PTPRK: variants seen among roughly 807,000 people sequenced by gnomAD.
The protein encoded by PTPRK is receptor-type tyrosine-protein phosphatase kappa.
In PTPRK, 75 loss-of-function variants were observed where a neutral mutation model predicts 178.0. The observed-to-expected ratio is 0.42, with a 90% CI of 0.35 to 0.51. The LOEUF (loss-of-function observed/expected upper bound fraction) is 0.51. PTPRK is among the 20% of genes least tolerant of loss of function. The pLI, the probability that PTPRK is intolerant of heterozygous loss-of-function variation, is 0.02. For synonymous variants in PTPRK, 637 were observed against 620.6 expected, an observed-to-expected ratio of 1.03 and a Z score of -0.39; for missense variants, 1,441 against 1,797.8, an observed-to-expected ratio of 0.80 and a Z score of 3.59.
At chr6:128,414,374 T>C (rs1842617185) in intron 1 of PTPRK, among the ~76,000 whole-genome samples, 1 of 152,164 alleles carries the variant, frequency 6.6e-6, no homozygotes, top group African/African-American at 2.4e-5. Context: ...GTGCGGCAGT[T>C]CTTTCCCTGT....
At chr6:128,298,798 GA>G (rs886957336) in intron 3 of PTPRK, among the ~76,000 whole-genome samples, 4 of 152,088 alleles carry the variant, frequency 2.6e-5, no homozygotes, top group African/African-American at 9.7e-5. Context: ...CATTTCCTTT[GA>G]AAACTGGCAC....
At chr6:128,179,202 T>A (rs2114677475) in intron 7 of PTPRK, among the ~76,000 whole-genome samples, 1 of 152,144 alleles carries the variant, frequency 6.6e-6, no homozygotes, top group South Asian at 2.1e-4. Context: ...CCCTAGTGAC[T>A]TCTAGGAGCT....
chr6:128,209,500 C>T (rs1318491993), intron 6 of PTPRK, among the ~76,000 whole-genome samples: 1 of 152,176 alleles, frequency 6.6e-6, no homozygotes, highest in Admixed American at 6.5e-5. Flanking sequence ...TCCCATCCTC[C>T]TCAGCACATC....
At chr6:128,336,482 T>C (rs980640557) in intron 2 of PTPRK, among the ~76,000 whole-genome samples, 11 of 152,250 alleles carry the variant, frequency 7.2e-5, no homozygotes, top group South Asian at 4.1e-4. Context: ...TGGGAGGTAA[T>C]TTTTCTCTTA....
chr6:128,517,367 T>G (rs1298548160), intron 1 of PTPRK, among the ~76,000 whole-genome samples: 1 of 152,194 alleles, frequency 6.6e-6, no homozygotes, highest in Admixed American at 6.5e-5. Context: ...TCTGGTTTCG[T>G]CAGTCATCTA....
At chr6:128,275,053 T>A (rs187157213) in intron 3 of PTPRK, among the ~76,000 whole-genome samples, 1 of 152,158 alleles carries the variant, frequency 6.6e-6, no homozygotes, top group East Asian at 1.9e-4. Context: ...AATGTTAGAA[T>A]GAACACTTAC....
chr6:128,131,171 T>C (rs1160223023), intron 7 of PTPRK, among the ~76,000 whole-genome samples: 1 of 152,190 alleles, frequency 6.6e-6, no homozygotes, highest in Non-Finnish European at 1.5e-5. Context: ...CTACAGATTG[T>C]GCAGGGACAG....
chr6:128,277,247 A>G (rs942976544), intron 3 of PTPRK, among the ~76,000 whole-genome samples: 37 of 152,228 alleles, frequency 2.4e-4, no homozygotes, highest in African/African-American at 8.4e-4. Flanking sequence ...TATTAAGTAT[A>G]AACCAAGGTA....
chr6:128,026,523 A>G (rs1221671514), intron 13 of PTPRK, among the ~76,000 whole-genome samples: 1 of 152,148 alleles, frequency 6.6e-6, no homozygotes, highest in African/African-American at 2.4e-5. Context: ...AAATAACTAA[A>G]TTCTGCTCTC....
chr6:128,076,488 A>C (rs1163651259), intron 11 of PTPRK, among the ~76,000 whole-genome samples: 1 of 152,020 alleles, frequency 6.6e-6, no homozygotes, highest in Non-Finnish European at 1.5e-5. Flanking sequence ...TGGGATTAGC[A>C]TATCAGTTAG....
intron 7 of PTPRK, among the ~76,000 whole-genome samples, chr6:128,147,493 A>G (rs531707646): frequency 1.3e-5 from 2 of 152,166 alleles, no homozygotes; most frequent in Non-Finnish European, 2.9e-5. Flanking sequence ...AAATATTTAT[A>G]CATTTTTTAC....
At chr6:128,237,669 G>C (rs1409385305) in intron 5 of PTPRK, among the ~76,000 whole-genome samples, 1 of 152,168 alleles carries the variant, frequency 6.6e-6, no homozygotes, top group Non-Finnish European at 1.5e-5. Context: ...AATTAACTGG[G>C]TTAAAAGGTT....
At chr6:128,066,733 A>AATAC (rs1378535347) in intron 12 of PTPRK, among the ~76,000 whole-genome samples, 9 of 149,420 alleles carry the variant, frequency 6.0e-5, no homozygotes, top group Non-Finnish European at 1.3e-4. Flanking sequence ...TAAATAAATA[A>AATAC]ATAAAAATAA....
intron 5 of PTPRK, among the ~76,000 whole-genome samples, chr6:128,237,140 A>T (rs1215639429): frequency 6.6e-6 from 1 of 152,248 alleles, no homozygotes; most frequent in South Asian, 2.1e-4. Context: ...GAGTTATAGT[A>T]TATCATTTTT....
intron 3 of PTPRK, among the ~76,000 whole-genome samples, chr6:128,268,818 C>A (rs1259725321): frequency 2.0e-5 from 3 of 151,858 alleles, no homozygotes; most frequent in African/African-American, 7.3e-5. Context: ...CCATTCTTAC[C>A]ATTTTATTCT....
At chr6:128,340,017 T>TAA (rs1831457508) in intron 2 of PTPRK, among the ~76,000 whole-genome samples, 1 of 151,936 alleles carries the variant, frequency 6.6e-6, no homozygotes, top group Non-Finnish European at 1.5e-5. Context: ...CCATCCAAAA[T>TAA]AAAACCAGTA....
intron 7 of PTPRK, among the ~76,000 whole-genome samples, chr6:128,095,223 A>C (rs1458329840): frequency 2.0e-5 from 3 of 152,346 alleles, no homozygotes; most frequent in East Asian, 3.9e-4. Flanking sequence ...GTGATGGATA[A>C]GTAGCTTCAC....
At chr6:128,053,179 CA>C (rs1195724207) in intron 13 of PTPRK, among the ~76,000 whole-genome samples, 81 of 147,670 alleles carry the variant, frequency 5.5e-4, no homozygotes, top group East Asian at 2.7e-3. Context: ...CACACACACA[CA>C]CACCCCTATA....
intron 2 of PTPRK, among the ~76,000 whole-genome samples, chr6:128,368,107 G>C (rs1367130217): frequency 6.6e-6 from 1 of 151,990 alleles, no homozygotes; most frequent in East Asian, 1.9e-4. Context: ...TAAATCTACA[G>C]GTGTCAGAAA....
Sources: allele counts gnomAD v4.1 joint callset (sites outside exome capture counted in the v4.1 genomes callset), GRCh38; gene constraint gnomAD v4.1.1; transcripts MANE v1.5; gene names NCBI Gene and HGNC (gene_info 2026-07-23, HGNC 2026-07-21).